The following CNBD2 variants were observed in gnomAD, a reference collection of about 807,000 sequenced individuals.
CNBD2 encodes the protein cyclic nucleotide binding domain containing 2.
A neutral mutation model predicts 63.7 loss-of-function variants in CNBD2; 64 were observed. The ratio of observed to expected loss-of-function variants is 1.00; its 90% CI spans 0.82 to 1.24. CNBD2 has a LOEUF of 1.24. Ranked by LOEUF, CNBD2 falls within the 50% of genes most tolerant of loss-of-function variation. CNBD2 has a pLI of 0.00. For synonymous variants in CNBD2, 229 were observed against 255.4 expected, an observed-to-expected ratio of 0.90 and a Z score of 0.99; for missense variants, 691 against 713.5, an observed-to-expected ratio of 0.97 and a Z score of 0.36.
intron 10 of CNBD2, among the ~76,000 whole-genome samples, chr20:36,012,060 A>C (rs2057068972): frequency 6.6e-6 from 1 of 151,992 alleles, no homozygotes; most frequent in Non-Finnish European, 1.5e-5. Context: ...GCACTTTGGG[A>C]GCCTGAGGCA....
At chr20:35,989,752 G>C (rs992372949) in intron 7 of CNBD2, among the ~76,000 whole-genome samples, 2 of 151,962 alleles carry the variant, frequency 1.3e-5, no homozygotes, top group African/African-American at 4.8e-5. Context: ...GATGCCCATA[G>C]TCTTAACGAC....
chr20:35,972,844 C>A, intron 2 of CNBD2, 78 bp downstream of exon 2: 1 of 1,404,312 alleles, frequency 7.1e-7, no homozygotes, highest in African/African-American at 1.4e-5. Flanking sequence ...GGCCTAAGCT[C>A]AGAACTGAGA....
intron 4 of CNBD2, among the ~76,000 whole-genome samples, chr20:35,983,293 G>A (rs1568870661): frequency 6.6e-6 from 1 of 151,986 alleles, no homozygotes; most frequent in Non-Finnish European, 1.5e-5. Flanking sequence ...AGACACCACT[G>A]ATATTTATTT....
intron 10 of CNBD2, among the ~76,000 whole-genome samples, chr20:36,013,593 A>T (rs897718110): frequency 5.3e-5 from 8 of 152,206 alleles, no homozygotes; most frequent in African/African-American, 1.9e-4. Context: ...GGTAAGACTA[A>T]AGCAAAAGGA....
chr20:36,007,759 GTGATCCTCTACTT>G (rs1261627143), intron 8 of CNBD2, among the ~76,000 whole-genome samples: 1 of 152,176 alleles, frequency 6.6e-6, no homozygotes, highest in African/African-American at 2.4e-5. Context: ...CTGGGCTCAA[GTGATCCTCTACTT>G]TGATCTCCCA....
intron 10 of CNBD2, 110 bp downstream of exon 10, chr20:36,011,367 A>C: frequency 7.8e-7 from 1 of 1,288,062 alleles, no homozygotes; most frequent in Non-Finnish European, 1.0e-6. Flanking sequence ...ATTTGATATT[A>C]AGGAATTATG....
At chr20:35,979,011 T>C (rs1325027146) in intron 3 of CNBD2, among the ~76,000 whole-genome samples, 2 of 152,238 alleles carry the variant, frequency 1.3e-5, no homozygotes, top group Admixed American at 6.5e-5. Context: ...GAAGTTATTA[T>C]GCCAGATGTT....
chr20:35,977,689 C>T (rs1198730050), intron 3 of CNBD2, among the ~76,000 whole-genome samples: 1 of 151,936 alleles, frequency 6.6e-6, no homozygotes, highest in East Asian at 1.9e-4. Flanking sequence ...CTGCCCCCAA[C>T]CCATCCCAAA....
chr20:35,972,645 C>T lies in CNBD2; in HGVS notation c.68C>T (p.Ala23Val). ...LKKELGLYQL[A>V]MDIIIMIRVC... ...TTTCCATAGGGACTGTACCAGCTCG[C>T]CATGGATATCATCATAATGATCCGA... The change falls in exon 2 of 12, where the codon GCC becomes GTC. Residue 23 changes from alanine (A) to valine (V), a missense_variant. By Grantham distance (64) the Ala-to-Val change is moderately conservative. Coordinates refer to ENST00000373973, the MANE Select transcript of CNBD2 (RefSeq NM_001365709.1). 6.2e-7 allele frequency: 1 copy of T among 1,614,048 alleles called. No individual in the cohort carries two copies. The highest frequency in any genetic ancestry group is 8.5e-7 in the Non-Finnish European group (1 of 1,179,974).
Position 35,984,626 on chromosome 20 carries a change from G to A in CNBD2, c.565-1G>A. The A allele has an allele frequency of 6.2e-7, 1 of 1,614,056 alleles. No individual in the cohort carries two copies. The highest frequency in any genetic ancestry group is 8.5e-7 in the Non-Finnish European group (1 of 1,179,974). ...TTGCCCTTGCCCTGTCCACCCAACA[G>A]GAAATGGACGTTCTGCATGCTTCAG... is the stretch of plus-strand genomic sequence containing the variant. On this transcript the variant is annotated splice_acceptor_variant, in intron 5 of 11. Coordinates refer to ENST00000373973, the MANE Select transcript of CNBD2 (RefSeq NM_001365709.1). LOFTEE classifies it high-confidence loss of function.
At chr20:35,984,814 G>T (rs147359801) in intron 6 of CNBD2, 36 bp downstream of exon 6, 52 of 1,608,988 alleles carry the variant, frequency 3.2e-5, no homozygotes, top group Non-Finnish European at 4.1e-5. Context: ...TTTTCCCCTT[G>T]TGTGTTTATT....
chr20:35,955,063 C>T (rs776240232), exon 1 of CNBD2: 20 of 170,636 alleles, frequency 1.2e-4, no homozygotes, highest in Non-Finnish European at 2.0e-4. Flanking sequence ...TTATTTTTCG[C>T]GTGTCCTCCG....
At chr20:35,989,651 T>G (rs538163036) in intron 7 of CNBD2, among the ~76,000 whole-genome samples, 1 of 152,140 alleles carries the variant, frequency 6.6e-6, no homozygotes, top group Non-Finnish European at 1.5e-5. Context: ...TTTCAGGAAT[T>G]TTGGTAAACA....
At chr20:35,969,487 TG>T (rs1379793096) in intron 1 of CNBD2, among the ~76,000 whole-genome samples, 4 of 152,210 alleles carry the variant, frequency 2.6e-5, no homozygotes, top group African/African-American at 9.6e-5. Context: ...TTCCTGAAGT[TG>T]GTGTCACCCT....
At position 36,023,679 on chromosome 20, in the gene CNBD2, G is replaced by A. The variant is rs753371238; in HGVS notation, c.1347G>A (p.Leu449=). ...PLILMSLGNE[L]IRIRKEIFYE... ...TCCTGATGAGCCTGGGAAATGAGTT[G>A]ATACGGATAAGGAAGGAAATATTTT... The change falls in exon 11 of 12, where the codon TTG becomes TTA. Residue 449 remains leucine (L), a synonymous_variant. Coordinates refer to ENST00000373973, the MANE Select transcript of CNBD2 (RefSeq NM_001365709.1). The A allele has an allele frequency of 1.2e-6, 2 of 1,613,934 alleles. No individual in the cohort carries two copies. The highest frequency in any genetic ancestry group is 4.5e-5 in the East Asian group (2 of 44,856).
chr20:36,011,050 T>G, intron 9 of CNBD2, 87 bp from the exon 10 acceptor site: 1 of 1,304,872 alleles, frequency 7.7e-7, no homozygotes, highest in Non-Finnish European at 1.0e-6. Flanking sequence ...GAGCCCTCCA[T>G]GTGCAGAAGA....
chr20:36,014,105 C>T (rs1298895387), intron 10 of CNBD2, among the ~76,000 whole-genome samples: 1 of 145,808 alleles, frequency 6.9e-6, no homozygotes, highest in Non-Finnish European at 1.5e-5. Flanking sequence ...ATGGCGGGAA[C>T]CCGGGAGGCA....
intron 1 of CNBD2, among the ~76,000 whole-genome samples, chr20:35,970,448 G>A (rs1221087535): frequency 6.6e-6 from 1 of 152,096 alleles, no homozygotes; most frequent in African/African-American, 2.4e-5. Context: ...CCAGGCTGGA[G>A]TGCAGTGGCG....
At chr20:35,976,087 C>T in intron 3 of CNBD2, 85 bp downstream of exon 3, 1 of 1,267,190 alleles carries the variant, frequency 7.9e-7, no homozygotes, top group South Asian at 1.2e-5. Context: ...ATCAGCAGAG[C>T]TGGTTTCAGT....
Sources: allele counts gnomAD v4.1 joint callset (sites outside exome capture counted in the v4.1 genomes callset), GRCh38; gene constraint gnomAD v4.1.1; transcripts MANE v1.5; gene names NCBI Gene and HGNC (gene_info 2026-07-23, HGNC 2026-07-21).